The following VNN1 variants were observed in gnomAD, a reference collection of about 807,000 sequenced individuals.
VNN1 encodes pantetheinase.
In VNN1, 29 loss-of-function variants were observed where a neutral mutation model predicts 41.9. The observed-to-expected ratio is 0.69, with a 90% confidence interval of 0.52 to 0.94. The LOEUF is 0.94. Ranked by LOEUF, VNN1 falls within the 40% of genes least tolerant of loss-of-function variation. The probability of loss-of-function intolerance (pLI) is 0.00; values close to 1 mark genes in which losing one functional copy is unlikely to be tolerated. For synonymous variants in VNN1, 233 were observed against 224.4 expected (o/e 1.04, Z -0.34); for missense variants, 637 against 621.1 (o/e 1.03, Z -0.27).
At position 132,703,901 on chromosome 6, in the gene VNN1, G is replaced by T. The variant is rs1186755584; in HGVS notation, c.341+7808C>A. Among the ~76,000 whole-genome samples the T allele has an allele frequency of 6.6e-5, 10 of 152,042 alleles. No homozygotes were observed. In the South Asian group the frequency reaches 1.9e-3, roughly 28 times the overall value. ...GCAAATGGAAAACAAAAGGAGCAGG[G>T]GTAGCTATATTTTTATCAGACAGAA... On this transcript the variant is annotated intron_variant, in intron 2 of 6. Coordinates refer to ENST00000367928, the MANE Select transcript of VNN1 (RefSeq NM_004666.3).
chr6:132,696,580 C>A lies in VNN1; in HGVS notation c.342-2398G>T, dbSNP rs535632140. ...AGCAGCAAGACAGAAGTGACTCATA[C>A]ATACAAGGGATCCCCAATAAGATTA... On this transcript the variant is annotated intron_variant, in intron 2 of 6. Coordinates refer to ENST00000367928, the MANE Select transcript of VNN1 (RefSeq NM_004666.3). Among the ~76,000 whole-genome samples the A allele has an allele frequency of 2.0e-5, 3 of 152,186 alleles. No individual in the cohort carries two copies. In the East Asian group the frequency reaches 5.8e-4, roughly 29 times the overall value.
chr6:132,692,697 G>C, intron 4 of VNN1, 113 bp from the exon 5 acceptor site: 1 of 1,340,408 alleles, frequency 7.5e-7, no homozygotes, highest in South Asian at 1.7e-5. Context: ...TAAGTTATAT[G>C]TTTTATTAAT....
chr6:132,709,126 A>ATT (rs1778558807), intron 2 of VNN1, among the ~76,000 whole-genome samples: 1 of 152,066 alleles, frequency 6.6e-6, no homozygotes, highest in African/African-American at 2.4e-5. Flanking sequence ...TTTCCATAAC[A>ATT]TTTACTTCCA....
At chr6:132,685,592 TA>T (rs3216504) in intron 5 of VNN1, among the ~76,000 whole-genome samples, 5,823 of 152,278 alleles carry the variant, frequency 0.038, 190 homozygotes, top group South Asian at 0.098. Context: ...CAAAAAGTAG[TA>T]ATTGATTCAG....
Position 132,694,112 on chromosome 6 carries a change from T to C in VNN1, c.412A>G (p.Asn138Asp), listed in dbSNP as rs1408608472. 18 of 1,614,108 alleles carry C rather than the reference T, an allele frequency of 1.1e-5. No homozygotes were observed. Among genetic ancestry groups the C allele is most frequent in the Non-Finnish European group, 1.4e-5 (17 of 1,180,016 alleles). ...TCGCATGGCTTCTTGTCCCCAATAT[T>C]TGCCACAACATAGATAGAGTTGTTC... ...AKNNSIYVVANIGDKKPCDTS... is the reference protein window; with the variant it reads ...AKNNSIYVVADIGDKKPCDTS... The change falls in exon 3 of 7, where the codon AAT becomes GAT. Residue 138 changes from asparagine (N) to aspartate (D), a missense_variant. Asn to Asp is a conservative substitution (Grantham distance 23). Coordinates refer to ENST00000367928, the MANE Select transcript of VNN1 (RefSeq NM_004666.3).
At position 132,692,433 on chromosome 6, in the gene VNN1, G is replaced by C. The variant is rs758657808; in HGVS notation, c.978C>G (p.Leu326=). The C allele has an allele frequency of 2.9e-5, 47 of 1,614,008 alleles. No individual in the cohort carries two copies. Among genetic ancestry groups the C allele is most frequent in the Non-Finnish European group, 3.8e-5 (45 of 1,180,034 alleles). ...WTSYASSIEA[L]SSGNKEFKGT... is the part of the protein sequence containing the mutation. Reference sequence around the variant, plus strand: ...CTTTAAATTCCTTGTTTCCTGATGAGAGCGCTTCTATACTGCTGGCATAGG... The same window carrying C: ...CTTTAAATTCCTTGTTTCCTGATGACAGCGCTTCTATACTGCTGGCATAGG... The change falls in exon 5 of 7, where the codon CTC becomes CTG. Residue 326 remains leucine (L), a synonymous_variant. Coordinates refer to ENST00000367928, the MANE Select transcript of VNN1 (RefSeq NM_004666.3).
At chr6:132,703,679 A>G (rs1442635150) in intron 2 of VNN1, among the ~76,000 whole-genome samples, 5 of 152,166 alleles carry the variant, frequency 3.3e-5, no homozygotes, top group African/African-American at 2.4e-5. Context: ...AAAAAACAAA[A>G]TGGCAGGAGT....
chr6:132,712,388 G>C (rs1024516439), intron 1 of VNN1, among the ~76,000 whole-genome samples: 9 of 152,044 alleles, frequency 5.9e-5, no homozygotes, highest in East Asian at 1.9e-4. Context: ...AACCTCAGGT[G>C]ATCCGCCTGC....
intron 2 of VNN1, among the ~76,000 whole-genome samples, chr6:132,704,857 C>A (rs573267124): frequency 5.5e-4 from 83 of 151,130 alleles, no homozygotes; most frequent in African/African-American, 1.7e-3. Context: ...ACATTATAAC[C>A]AATACTGCAG....
chr6:132,694,961 A>T (rs1240368502), intron 2 of VNN1, among the ~76,000 whole-genome samples: 3 of 152,082 alleles, frequency 2.0e-5, no homozygotes, highest in African/African-American at 7.2e-5. Flanking sequence ...GAGACCAGCC[A>T]GACCAACATG....
intron 2 of VNN1, among the ~76,000 whole-genome samples, chr6:132,705,522 C>T (rs1185106094): frequency 6.6e-6 from 1 of 152,154 alleles, no homozygotes; most frequent in Non-Finnish European, 1.5e-5. Flanking sequence ...GAACATACCT[C>T]AACACAATAA....
chr6:132,691,294 G>T (rs1173112336), intron 5 of VNN1, among the ~76,000 whole-genome samples: 1 of 152,168 alleles, frequency 6.6e-6, no homozygotes, highest in Non-Finnish European at 1.5e-5. Context: ...CTGACTGGAT[G>T]GAGCTGAGAT....
chr6:132,683,306 C>T lies in VNN1; in HGVS notation c.1376G>A (p.Arg459His), dbSNP rs745392481. The T allele has an allele frequency of 1.5e-5, 24 of 1,613,406 alleles. No individual in the cohort carries two copies. Among genetic ancestry groups the T allele is most frequent in the African/African-American group, 4.0e-5 (3 of 74,846 alleles). The change falls in exon 7 of 7, where the codon CGC becomes CAC. Residue 459 changes from arginine (R) to histidine (H), a missense_variant. Transcript: ENST00000367928. ...PGEFQVSTDG[R>H]LFSLKPTSGP... ...GGATGTTGGCTTCAGACTAAACAAGCGTCCGTCAGTTGACACCTGATTAAA... is the reference window on the plus strand; with the variant it reads ...GGATGTTGGCTTCAGACTAAACAAGTGTCCGTCAGTTGACACCTGATTAAA...
intron 2 of VNN1, chr6:132,699,334 G>C (rs1778418226): frequency 1.1e-5 from 2 of 188,360 alleles, no homozygotes; most frequent in Non-Finnish European, 2.2e-5. Flanking sequence ...CCAATTTAAG[G>C]CATGTCAAGA....
chr6:132,692,736 G>A, intron 4 of VNN1, 152 bp from the exon 5 acceptor site: 6 of 1,177,190 alleles, frequency 5.1e-6, no homozygotes, highest in Non-Finnish European at 6.8e-6. Context: ...TAAAGACAGA[G>A]AAGTGAGAGG....
chr6:132,684,998 A>G (rs1778186767), intron 5 of VNN1, among the ~76,000 whole-genome samples: 1 of 152,256 alleles, frequency 6.6e-6, no homozygotes, highest in African/African-American at 2.4e-5. Context: ...AATGATTTTA[A>G]TTATCAAGAA....
At chr6:132,703,922 C>G (rs748695816) in intron 2 of VNN1, among the ~76,000 whole-genome samples, 29 of 151,884 alleles carry the variant, frequency 1.9e-4, no homozygotes, top group Admixed American at 3.3e-4. Context: ...TTTTATCAGA[C>G]AGAATAGATT....
Position 132,692,584 on chromosome 6 carries a change from C to A in VNN1, c.827G>T (p.Gly276Val), listed in dbSNP as rs1429107749. Residue 276 changes from glycine to valine, a missense_variant and splice_region_variant, in exon 5 of 7, where the codon GGA becomes GTA. Coordinates refer to ENST00000367928, the MANE Select transcript of VNN1 (RefSeq NM_004666.3). ...NIHYPSKKMT[G>V]SGIYAPNSSR... Reference sequence around the variant, plus strand: ...AGAATTGGGTGCATAGATGCCACTTCCTGGAAGTAATAAGTTGAAAACATC... The same window carrying A: ...AGAATTGGGTGCATAGATGCCACTTACTGGAAGTAATAAGTTGAAAACATC... 2 of 1,557,326 alleles carry A rather than the reference C, an allele frequency of 1.3e-6. No individual in the cohort carries two copies. The highest frequency in any genetic ancestry group is 1.7e-6 in the Non-Finnish European group (2 of 1,160,248).
Position 132,711,838 on chromosome 6 carries a change from C to T in VNN1, c.212G>A (p.Gly71Asp), listed in dbSNP as rs770578537. 1 of 1,613,158 alleles carries T rather than the reference C, an allele frequency of 6.2e-7. No individual in the cohort carries two copies. The highest frequency in any genetic ancestry group is 1.1e-5 in the South Asian group (1 of 90,834). The change falls in exon 2 of 7, where the codon GGT becomes GAT. Residue 71 changes from glycine (G) to aspartate (D), a missense_variant and splice_region_variant. Transcript: ENST00000367928. ...TTCTGGAGTCACAATAATATGCGCACCCTGTTAAAAATGCAACTTAATCCA... is the reference window on the plus strand; with the variant it reads ...TTCTGGAGTCACAATAATATGCGCATCCTGTTAAAAATGCAACTTAATCCA... ...EGAITSAADQ[G>D]AHIIVTPEDA...
Sources: gnomAD v4.1 joint callset for allele counts (sites outside exome capture counted in the v4.1 genomes callset) on GRCh38, gnomAD v4.1.1 for gene constraint, MANE v1.5 for transcripts, NCBI Gene and HGNC (gene_info 2026-07-23, HGNC 2026-07-21) for gene names.